The following BLTP1 variants were observed in gnomAD, a reference collection of about 807,000 sequenced individuals.
BLTP1 encodes the protein fragile site-associated protein.
the BLTP1 span, among the ~76,000 whole-genome samples, chr4:122,334,078 C>G: frequency 6.6e-6 from 1 of 151,996 alleles, no homozygotes; most frequent in East Asian, 1.9e-4. Context: ...GCTAGTGCAA[C>G]TTCATTAAAC....
the BLTP1 span, chr4:122,263,394 C>A: frequency 6.8e-7 from 1 of 1,471,926 alleles, no homozygotes; most frequent in Non-Finnish European, 9.0e-7. Context: ...CATTTTTTTG[C>A]TCCTTAGTAT....
chr4:122,187,980 C>T, the BLTP1 span: 1 of 1,596,560 alleles, frequency 6.3e-7, no homozygotes, highest in African/African-American at 1.4e-5. Flanking sequence ...ACTACAAAAC[C>T]ACCTTCAAGT....
chr4:122,328,196 C>T, the BLTP1 span: 1 of 1,611,272 alleles, frequency 6.2e-7, no homozygotes, highest in Non-Finnish European at 8.5e-7. Context: ...GTTCTGTGTT[C>T]AGTTCTCCCA....
chr4:122,289,587 C>T, the BLTP1 span: 12 of 985,164 alleles, frequency 1.2e-5, no homozygotes, highest in Non-Finnish European at 1.3e-5. Context: ...TGTGGAAACC[C>T]TCATTATATT....
At chr4:122,297,126 G>A in the BLTP1 span, among the ~76,000 whole-genome samples, 3 of 152,070 alleles carry the variant, frequency 2.0e-5, no homozygotes, top group Non-Finnish European at 4.4e-5. Flanking sequence ...TACCATCAGA[G>A]TAAACAGACA....
chr4:122,199,555 C>A, the BLTP1 span: 2 of 965,040 alleles, frequency 2.1e-6, no homozygotes, highest in African/African-American at 1.6e-5. Context: ...AATGGTCCAT[C>A]TTCTAGTTCA....
chr4:122,323,931 G>A, the BLTP1 span, among the ~76,000 whole-genome samples: 1 of 151,862 alleles, frequency 6.6e-6, no homozygotes. Context: ...TAACTATCTA[G>A]CACCATCACG....
the BLTP1 span, chr4:122,262,729 A>G: frequency 6.6e-7 from 1 of 1,526,422 alleles, no homozygotes; most frequent in African/African-American, 1.4e-5. Flanking sequence ...ATTTTTATAT[A>G]CATAAGAAAT....
the BLTP1 span, chr4:122,200,586 A>C: frequency 1.9e-3 from 1,623 of 834,666 alleles, no homozygotes; most frequent in Non-Finnish European, 2.2e-3. Flanking sequence ...CTCAAAACAA[A>C]AAAAAAAAAA....
chr4:122,315,764 T>G, the BLTP1 span: 2 of 1,347,916 alleles, frequency 1.5e-6, no homozygotes. Flanking sequence ...TTCAGTGTTA[T>G]TTAGTATATT....
the BLTP1 span, chr4:122,289,113 A>G: frequency 6.2e-7 from 1 of 1,608,584 alleles, no homozygotes; most frequent in African/African-American, 1.3e-5. Flanking sequence ...ATAATCTTAC[A>G]ACTGATCTTC....
chr4:122,263,770 G>A, the BLTP1 span, among the ~76,000 whole-genome samples: 3 of 152,170 alleles, frequency 2.0e-5, no homozygotes, highest in African/African-American at 7.2e-5. Flanking sequence ...GTAGTAAGCA[G>A]TCACTCAGTG....
the BLTP1 span, among the ~76,000 whole-genome samples, chr4:122,155,206 G>A: frequency 0.13 from 19,208 of 152,050 alleles, 1,738 homozygotes; most frequent in African/African-American, 0.26. Flanking sequence ...GTTTATGTAA[G>A]AGACTAGAAA....
chr4:122,338,382 A>AAGAT, the BLTP1 span, among the ~76,000 whole-genome samples: 1 of 152,054 alleles, frequency 6.6e-6, no homozygotes, highest in South Asian at 2.1e-4. Flanking sequence ...CTGAGATGGG[A>AAGAT]AGATGGCTTG....
chr4:122,260,614 G>A, the BLTP1 span, among the ~76,000 whole-genome samples: 2 of 151,968 alleles, frequency 1.3e-5, no homozygotes, highest in African/African-American at 2.4e-5. Flanking sequence ...ATACTCATAC[G>A]GCATTGATGA....
the BLTP1 span, chr4:122,305,747 T>G: frequency 7.4e-7 from 1 of 1,356,736 alleles, no homozygotes; most frequent in Non-Finnish European, 9.7e-7. Context: ...ATAAGGAATA[T>G]ACATTAACAG....
chr4:122,277,030 G>C, the BLTP1 span: 1 of 984,860 alleles, frequency 1.0e-6, no homozygotes, highest in East Asian at 1.1e-4. Context: ...TGTGTATTTT[G>C]CCAAATTTAG....
chr4:122,301,383 A>C, the BLTP1 span: 1 of 1,591,634 alleles, frequency 6.3e-7, no homozygotes, highest in Non-Finnish European at 8.6e-7. Context: ...CTATTCCCTA[A>C]ACTTGCAGTT....
the BLTP1 span, chr4:122,254,669 A>G: frequency 8.4e-7 from 1 of 1,195,802 alleles, no homozygotes; most frequent in Non-Finnish European, 1.1e-6. Flanking sequence ...ATGCTTTCAT[A>G]ATTTATCAGT....
Sources: gnomAD v4.1 joint callset for allele counts (sites outside exome capture counted in the v4.1 genomes callset) on GRCh38, gnomAD v4.1.1 for gene constraint, MANE v1.5 for transcripts, NCBI Gene and HGNC (gene_info 2026-07-23, HGNC 2026-07-21) for gene names.